Variants in ATP6V0E1 observed in about 807,000 individuals in gnomAD.
ATP6V0E1 encodes V-type proton ATPase subunit e 1.
Under a neutral mutation model 11.6 loss-of-function variants are expected in ATP6V0E1, and 4 were observed. The ratio of observed to expected loss-of-function variants is 0.35; its 90% confidence interval spans 0.17 to 0.79. The LOEUF (loss-of-function observed/expected upper bound fraction) is 0.79. ATP6V0E1 is among the 30% of genes least tolerant of loss of function. The probability of loss-of-function intolerance (pLI) is 0.54; values close to 1 mark genes in which losing one functional copy is unlikely to be tolerated. For synonymous variants in ATP6V0E1, 36 were observed against 34.8 expected, an observed-to-expected ratio of 1.04 and a Z score of -0.13; for missense variants, 105 against 100.0, an observed-to-expected ratio of 1.05 and a Z score of -0.21.
intron 3 of ATP6V0E1, among the ~76,000 whole-genome samples, chr5:173,025,168 GAC>G (rs1361070189): frequency 8.8e-6 from 1 of 113,440 alleles, no homozygotes; most frequent in African/African-American, 3.5e-5. Context: ...TTTTTTTAAA[GAC>G]AGAGTCCTGC....
At chr5:172,997,632 AC>A (rs1756086848) in intron 2 of ATP6V0E1, among the ~76,000 whole-genome samples, 1 of 151,404 alleles carries the variant, frequency 6.6e-6, no homozygotes, top group Non-Finnish European at 1.5e-5. Flanking sequence ...ACACAGTGAA[AC>A]CCCGTCTCTA....
intron 2 of ATP6V0E1, among the ~76,000 whole-genome samples, chr5:173,003,520 G>A (rs1349119888): frequency 1.3e-5 from 2 of 152,184 alleles, no homozygotes; most frequent in African/African-American, 2.4e-5. Context: ...GCTCTGTGGA[G>A]AACAGACTGT....
intron 3 of ATP6V0E1, among the ~76,000 whole-genome samples, chr5:173,027,178 CAAAAAAAAAAA>C (rs1158447516): frequency 6.1e-4 from 16 of 26,058 alleles, no homozygotes; most frequent in East Asian, 1.5e-3. Context: ...GACTCCGTCT[CAAAAAAAAAAA>C]AAAAAAAAAA....
At chr5:173,008,684 C>T (rs867582673) in intron 2 of ATP6V0E1, among the ~76,000 whole-genome samples, 89 of 147,534 alleles carry the variant, frequency 6.0e-4, no homozygotes, top group African/African-American at 1.9e-3. Context: ...CCAAGGTGGG[C>T]GGATCACGAG....
At chr5:173,025,504 C>CTT (rs60822937) in intron 3 of ATP6V0E1, among the ~76,000 whole-genome samples, 2,068 of 65,614 alleles carry the variant, frequency 0.032, 539 homozygotes, top group African/African-American at 0.091. Flanking sequence ...ATATAAAATA[C>CTT]TTTTTTTTTT....
chr5:173,000,364 A>C (rs908022113), intron 2 of ATP6V0E1, among the ~76,000 whole-genome samples: 1 of 152,122 alleles, frequency 6.6e-6, no homozygotes, highest in Middle Eastern at 3.2e-3. Flanking sequence ...TTACTATACT[A>C]TATTTCTGGT....
intron 3 of ATP6V0E1, among the ~76,000 whole-genome samples, chr5:173,026,793 T>C (rs1756566425): frequency 2.0e-5 from 3 of 152,172 alleles, no homozygotes; most frequent in Non-Finnish European, 2.9e-5. Context: ...TCCTTGAAAA[T>C]GCAATCTCTG....
chr5:173,034,556 C>T lies in ATP6V0E1; in HGVS notation c.*194C>T. ...CGTGTTTTCCTTTGCCTTTTTTGCA[C>T]TTTGGTGAATTACGTGCCTCCATAA... On this transcript the variant is annotated 3_prime_UTR_variant, in exon 4 of 4. Transcript: ENST00000519374. 1.5e-6 allele frequency: 1 copy of T among 674,106 alleles called. No individual in the cohort carries two copies. The highest frequency in any genetic ancestry group is 2.1e-5 in the Admixed American group (1 of 48,296). The allele number at this position is 674,106 out of a possible 1,614,324, so 41.8% of individuals were successfully genotyped here. A position where few individuals can be genotyped will look rare whatever the true frequency, so the allele number is the denominator to read the frequency against.
At position 173,024,038 on chromosome 5, in the gene ATP6V0E1, T is replaced by C. The variant is rs544453820; in HGVS notation, c.*36+3671T>C. ...GGTGAAACCCCTTCTCTGCTAACAA[T>C]ACAAAAAAAATTAGCCAGGCATGGT... On this transcript the variant is annotated intron_variant, in intron 3 of 3. Coordinates refer to ENST00000519374, the MANE Select transcript of ATP6V0E1 (RefSeq NM_003945.4). 1.4e-4 allele frequency among the ~76,000 whole-genome samples: 21 copies of C among 147,832 alleles called. No homozygotes were observed. In the South Asian group the frequency reaches 4.1e-3, roughly 29 times the overall value.
chr5:172,994,530 T>C (rs1187852926), intron 1 of ATP6V0E1, among the ~76,000 whole-genome samples: 1 of 152,176 alleles, frequency 6.6e-6, no homozygotes, highest in African/African-American at 2.4e-5. Context: ...TAAATTTGGA[T>C]TGGACAGCTA....
chr5:173,010,064 G>T (rs1756296359), intron 2 of ATP6V0E1, among the ~76,000 whole-genome samples: 1 of 152,154 alleles, frequency 6.6e-6, no homozygotes, highest in East Asian at 1.9e-4. Flanking sequence ...GCCTGTCCTG[G>T]ATAGCCACTT....
rs533725548 is a variant in ATP6V0E1, at chr5:173,025,975, TA to T, written c.*36+5609del. Among the ~76,000 whole-genome samples the T allele has an allele frequency of 2.0e-4, 30 of 152,138 alleles. No individual in the cohort carries two copies. The East Asian group carries it at 5.2e-3, about 26-fold the overall frequency. On this transcript the variant is annotated intron_variant, in intron 3 of 3. Coordinates refer to ENST00000519374, the MANE Select transcript of ATP6V0E1 (RefSeq NM_003945.4). ...GAGTTTGAGACATGCCTCGGCAATA[TA>T]TCAAGACCTCATCTCAAATAATAAT...
chr5:173,014,777 C>T (rs993878805), intron 2 of ATP6V0E1, among the ~76,000 whole-genome samples: 4 of 148,324 alleles, frequency 2.7e-5, no homozygotes, highest in African/African-American at 7.9e-5. Flanking sequence ...GTGGGGTACC[C>T]GTAAAATGGG....
intron 2 of ATP6V0E1, among the ~76,000 whole-genome samples, chr5:173,000,701 ATTTTTTTT>A (rs34202828): frequency 1.4e-5 from 2 of 139,974 alleles, no homozygotes; most frequent in African/African-American, 5.3e-5. Context: ...ATTATCAGTG[ATTTTTTTT>A]TTTTTTTTTG....
rs191023924 is a variant in ATP6V0E1 at position 173,032,362 on chromosome 5, A to G, written c.*37-2037A>G. 9.8e-4 allele frequency among the ~76,000 whole-genome samples: 148 copies of G among 151,222 alleles called. 1 individual carries two copies. Among genetic ancestry groups the G allele is most frequent in the African/African-American group, 3.4e-3 (141 of 41,210 alleles). ...GAGTCCAATGGTGTGATCTCAGCTC[A>G]CTGCAACCTCCGCCTCCTGGGTTCA... On this transcript the variant is annotated intron_variant, in intron 3 of 3. Coordinates refer to ENST00000519374, the MANE Select transcript of ATP6V0E1 (RefSeq NM_003945.4).
Position 172,983,980 on chromosome 5 carries a change from C to G in ATP6V0E1, c.104+16C>G, listed in dbSNP as rs925097039. 1 of 1,610,208 alleles carries G rather than the reference C, an allele frequency of 6.2e-7. No individual in the cohort carries two copies. Among genetic ancestry groups the G allele is most frequent in the South Asian group, 1.1e-5 (1 of 90,958 alleles). ...CTAACCGGGGGTAAGTGCGTGAGGC[C>G]CGCCTTGGGAGGAACGGGCGGTGAG... On this transcript the variant is annotated intron_variant, in intron 1 of 3. Transcript: ENST00000519374.
chr5:172,986,732 A>G lies in ATP6V0E1; in HGVS notation c.104+2768A>G, dbSNP rs547551886. 7 of 452,460 alleles carry G rather than the reference A, an allele frequency of 1.5e-5. No individual in the cohort carries two copies. The Admixed American group carries it at 1.7e-4, about 11-fold the overall frequency. 28.0% of individuals were successfully genotyped at this position (452,460 alleles called of 1,614,324 possible). A position where few individuals can be genotyped will look rare whatever the true frequency, so the allele number is the denominator to read the frequency against. The stretch of plus-strand genomic sequence containing the variant: ...AAGCCCCTGAAACAGCCCAAGAAGC[A>G]GGCCAAGGAGATGGATGGGGAAGAT... On this transcript the variant is annotated intron_variant, in intron 1 of 3. Coordinates refer to ENST00000519374, the MANE Select transcript of ATP6V0E1 (RefSeq NM_003945.4).
chr5:173,023,898 T>C (rs1359853013), intron 3 of ATP6V0E1, among the ~76,000 whole-genome samples: 1 of 151,146 alleles, frequency 6.6e-6, no homozygotes, highest in Non-Finnish European at 1.5e-5. Flanking sequence ...TCTAATAGAC[T>C]TGAAATATAG....
At chr5:173,001,499 C>T (rs1756152670) in intron 2 of ATP6V0E1, among the ~76,000 whole-genome samples, 1 of 151,952 alleles carries the variant, frequency 6.6e-6, no homozygotes, top group South Asian at 2.1e-4. Flanking sequence ...CTGAGCCTCA[C>T]CTCCCTCACT....
Sources: gnomAD v4.1 joint callset for allele counts (sites outside exome capture counted in the v4.1 genomes callset) on GRCh38, gnomAD v4.1.1 for gene constraint, MANE v1.5 for transcripts, NCBI Gene and HGNC (gene_info 2026-07-23, HGNC 2026-07-21) for gene names.